The following MYSM1 variants were observed in gnomAD, a reference collection of about 807,000 sequenced individuals.
MYSM1 encodes the protein deubiquitinase MYSM1.
In MYSM1, 51 loss-of-function variants were observed where a neutral mutation model predicts 116.0. That is an observed-to-expected ratio of 0.44 (90% CI 0.35 to 0.56). MYSM1 has a LOEUF of 0.56. MYSM1 is among the 20% of genes least tolerant of loss of function. The pLI is 0.00. For missense variants in MYSM1, 900 were observed against 974.9 expected, an observed-to-expected ratio of 0.92 and a Z score of 1.02; for synonymous variants, 313 against 315.2, an observed-to-expected ratio of 0.99 and a Z score of 0.07.
chr1:58,655,548 TAGACTC>T lies in MYSM1; in HGVS notation c.*4443_*4448del, dbSNP rs1644308750. 6.6e-6 allele frequency: 1 copy of T among 152,062 alleles called. No individual in the cohort carries two copies. Among genetic ancestry groups the T allele is most frequent in the South Asian group, 2.1e-4 (1 of 4,830 alleles). 9.4% of individuals were successfully genotyped at this position (152,062 alleles called of 1,614,324 possible). A position where few individuals can be genotyped will look rare whatever the true frequency, so the allele number is the denominator to read the frequency against. On this transcript the variant is annotated 3_prime_UTR_variant, in exon 20 of 20. Coordinates refer to ENST00000472487, the MANE Select transcript of MYSM1 (RefSeq NM_001085487.3). ...GAAAAATGTAAGGTGGCTTAGAAGA[TAGACTC>T]AGAATATACTAGAAAGTATAATTAT...
rs1307733421 is a variant in MYSM1 at position 58,661,399 on chromosome 1, T to A, written c.2270+7A>T. 1.3e-6 allele frequency: 2 copies of A among 1,507,248 alleles called. No homozygotes were observed. The highest frequency in any genetic ancestry group is 1.7e-5 in the Admixed American group (1 of 59,552). The allele number at this position is 1,507,248 out of a possible 1,614,324, so 93.4% of individuals were successfully genotyped here. A position where few individuals can be genotyped will look rare whatever the true frequency, so the allele number is the denominator to read the frequency against. ...GATGTGCAACCATCTCAAACCACAG[T>A]ACATACCTATGGGAGAGCCTGTATT... On this transcript the variant is annotated splice_region_variant and intron_variant, in intron 18 of 19. Coordinates refer to ENST00000472487, the MANE Select transcript of MYSM1 (RefSeq NM_001085487.3).
chr1:58,665,499 G>A lies in MYSM1; in HGVS notation c.2164C>T (p.Arg722Cys), dbSNP rs200350305. 2.9e-4 allele frequency: 457 copies of A among 1,585,570 alleles called. 1 individual carries two copies. The highest frequency in any genetic ancestry group is 2.8e-4 in the Admixed American group (15 of 54,358). Residue 722 changes from arginine to cysteine, a missense_variant and splice_region_variant, in exon 17 of 20, where the codon CGC becomes TGC. By Grantham distance (180) the Arg-to-Cys change is radical (BLOSUM62 -3). Coordinates refer to ENST00000472487, the MANE Select transcript of MYSM1 (RefSeq NM_001085487.3). ...SEEISPDGSY[R>C]LPYKFEVQQM... ...AAAGTTATTTTTGTTGAAAACTTAC[G>A]ATAAGAGCCATCTGGGCTAATTTCC...
At position 58,656,612 on chromosome 1, in the gene MYSM1, G is replaced by A. The variant is rs1364303891; in HGVS notation, c.*3385C>T. ...TTGTGAGTTTTCGTTAGGTTGGGAA[G>A]GAAGTAAGTTCAAGTCTATAGATCT... On this transcript the variant is annotated 3_prime_UTR_variant, in exon 20 of 20. Coordinates refer to ENST00000472487, the MANE Select transcript of MYSM1 (RefSeq NM_001085487.3). 2.6e-5 allele frequency: 4 copies of A among 152,188 alleles called. No individual in the cohort carries two copies. The highest frequency in any genetic ancestry group is 2.0e-4 in the Admixed American group (3 of 15,272). 9.4% of individuals were successfully genotyped at this position (152,188 alleles called of 1,614,324 possible). A position where few individuals can be genotyped will look rare whatever the true frequency, so the allele number is the denominator to read the frequency against.
rs58237250 is a variant in MYSM1, at chr1:58,668,310, CA to C, written c.1767+321del. 1.3e-3 allele frequency: 764 copies of C among 608,686 alleles called. 2 individuals are homozygous for C. In the African/African-American group the frequency reaches 0.013, roughly 10 times the overall value. The allele number at this position is 608,686 out of a possible 1,614,324, so 37.7% of individuals were successfully genotyped here. ...GGAGGTATCGGTAGTTTAGTAAAAA[CA>C]AAAAAACCCTCCAAATTACAGGAGT... On this transcript the variant is annotated intron_variant, in intron 14 of 19. Transcript: ENST00000472487.
chr1:58,689,302 G>GT lies in MYSM1; in HGVS notation c.321-187dup. 3 of 528,146 alleles carry GT rather than the reference G, an allele frequency of 5.7e-6. No homozygotes were observed. The South Asian group carries it at 7.3e-5, about 13-fold the overall frequency. The allele number at this position is 528,146 out of a possible 1,614,324, so 32.7% of individuals were successfully genotyped here. On this transcript the variant is annotated intron_variant, in intron 5 of 19. Coordinates refer to ENST00000472487, the MANE Select transcript of MYSM1 (RefSeq NM_001085487.3). ...TGGGGGCAGAGATTTACCCTGTCAC[G>GT]TGTCTCTAGCTCAGGATGATGGGAG...
intron 1 of MYSM1, among the ~76,000 whole-genome samples, chr1:58,697,614 C>CTT (rs1644994772): frequency 6.7e-6 from 1 of 149,062 alleles, no homozygotes. Context: ...TTTGAGATGG[C>CTT]GTTTTGCTCT....
chr1:58,679,854 C>T (rs1644711552), intron 8 of MYSM1, among the ~76,000 whole-genome samples: 2 of 151,340 alleles, frequency 1.3e-5, no homozygotes, highest in Admixed American at 1.3e-4. Context: ...GTGGTGAAAC[C>T]CAGTCTCTAC....
intron 9 of MYSM1, 61 bp downstream of exon 9, chr1:58,676,865 A>C: frequency 1.3e-6 from 2 of 1,552,264 alleles, no homozygotes; most frequent in South Asian, 1.2e-5. Flanking sequence ...CATAGAAATG[A>C]ATAAGTGCTG....
At position 58,657,491 on chromosome 1, in the gene MYSM1, A is replaced by C. The variant is rs1644334260; in HGVS notation, c.*2506T>G. 6.6e-6 allele frequency: 1 copy of C among 152,170 alleles called. No homozygotes were observed. Among genetic ancestry groups the C allele is most frequent in the African/African-American group, 2.4e-5 (1 of 41,440 alleles). 9.4% of individuals were successfully genotyped at this position (152,170 alleles called of 1,614,324 possible). Reference sequence around the variant, plus strand: ...TCCTCGGTAGTAGCCCAAGGCTGGTAGTGCCAGCAATGTGGGTACCTGTGG... The same window carrying C: ...TCCTCGGTAGTAGCCCAAGGCTGGTCGTGCCAGCAATGTGGGTACCTGTGG... On this transcript the variant is annotated 3_prime_UTR_variant, in exon 20 of 20. Transcript: ENST00000472487.
In MYSM1 at chr1:58,661,472, T is replaced by G. The variant is rs369239315; in HGVS notation, c.2204A>C (p.Glu735Ala). 65 of 1,608,086 alleles carry G rather than the reference T, an allele frequency of 4.0e-5. No homozygotes were observed. The highest frequency in any genetic ancestry group is 5.2e-5 in the Non-Finnish European group (61 of 1,175,036). ...TTCAAATACTAATCCCCACTGAGGTTCTTCTAACATCTGCTGTACTTCAAA... is the reference window on the plus strand; with the variant it reads ...TTCAAATACTAATCCCCACTGAGGTGCTTCTAACATCTGCTGTACTTCAAA... ...YKFEVQQMLE[E>A]PQWGLVFEKT... Residue 735 changes from glutamate to alanine, a missense_variant, in exon 18 of 20, where the codon GAA becomes GCA. Glu to Ala is a moderately radical substitution (Grantham distance 107). Coordinates refer to ENST00000472487, the MANE Select transcript of MYSM1 (RefSeq NM_001085487.3).
intron 1 of MYSM1, among the ~76,000 whole-genome samples, chr1:58,696,506 T>A (rs1215645494): frequency 6.6e-6 from 1 of 152,212 alleles, no homozygotes; most frequent in African/African-American, 2.4e-5. Flanking sequence ...AGCCTGACCA[T>A]TTTCTTCACA....
chr1:58,664,050 A>C (rs1436841951), intron 17 of MYSM1, among the ~76,000 whole-genome samples: 3 of 151,992 alleles, frequency 2.0e-5, no homozygotes, highest in Non-Finnish European at 2.9e-5. Context: ...TTTTTACTTC[A>C]TTTTGGCCAG....
intron 7 of MYSM1, among the ~76,000 whole-genome samples, chr1:58,683,016 G>A (rs903628748): frequency 6.6e-6 from 1 of 152,126 alleles, no homozygotes; most frequent in Non-Finnish European, 1.5e-5. Flanking sequence ...CTGCATTTTA[G>A]ACAAGATTGG....
chr1:58,684,269 T>C (rs1235896941), intron 7 of MYSM1, among the ~76,000 whole-genome samples: 1 of 152,092 alleles, frequency 6.6e-6, no homozygotes, highest in African/African-American at 2.4e-5. Flanking sequence ...AAAGAGGATA[T>C]ATTAAAAAAT....
In MYSM1 at chr1:58,669,346, A is replaced by G. The variant is rs1011708487; in HGVS notation, c.1662-308T>C. Reference sequence around the variant, plus strand: ...CTAAAAGCAGATTTCAAAAAGTCCAATGAAAATATAATTAACTGTCATGAG... The same window carrying G: ...CTAAAAGCAGATTTCAAAAAGTCCAGTGAAAATATAATTAACTGTCATGAG... On this transcript the variant is annotated intron_variant, in intron 12 of 19. Transcript: ENST00000472487. Among the ~76,000 whole-genome samples the G allele has an allele frequency of 7.2e-5, 11 of 152,340 alleles. 1 individual carries two copies. In the East Asian group the frequency reaches 1.9e-3, roughly 27 times the overall value.
intron 5 of MYSM1, 78 bp from the exon 6 acceptor site, chr1:58,689,194 T>C (rs1281161666): frequency 8.6e-6 from 9 of 1,052,034 alleles, no homozygotes; most frequent in South Asian, 1.5e-5. Context: ...AGGTTATAGA[T>C]AGCCATGGGC....
intron 10 of MYSM1, among the ~76,000 whole-genome samples, chr1:58,674,926 CAAAAAAAAAA>C (rs1223507192): frequency 1.7e-5 from 1 of 58,136 alleles, no homozygotes; most frequent in African/African-American, 5.9e-5. Context: ...GACTCTGTCT[CAAAAAAAAAA>C]AAAAAAGAAA....
intron 3 of MYSM1, among the ~76,000 whole-genome samples, chr1:58,692,045 T>C (rs1260087373): frequency 1.3e-5 from 2 of 152,270 alleles, no homozygotes; most frequent in East Asian, 3.9e-4. Context: ...TATCGGAAAA[T>C]TTTAAATTAT....
At chr1:58,696,764 G>A (rs753984787) in intron 1 of MYSM1, among the ~76,000 whole-genome samples, 1 of 152,210 alleles carries the variant, frequency 6.6e-6, no homozygotes. Flanking sequence ...TGAGAGCACA[G>A]ACTTGGTTTT....
Sources: allele counts gnomAD v4.1 joint callset (sites outside exome capture counted in the v4.1 genomes callset), GRCh38; gene constraint gnomAD v4.1.1; transcripts MANE v1.5; gene names NCBI Gene and HGNC (gene_info 2026-07-23, HGNC 2026-07-21).